Variants in NPLOC4 observed in about 807,000 individuals in gnomAD.
NPLOC4 encodes the protein nuclear protein localization protein 4 homolog.
A neutral mutation model predicts 80.6 loss-of-function variants in NPLOC4; 18 were observed. The ratio of observed to expected loss-of-function variants is 0.22; its 90% CI spans 0.15 to 0.33. The LOEUF (loss-of-function observed/expected upper bound fraction) is 0.33, where lower values mean the gene tolerates loss of function less well. Among genes scored for constraint, NPLOC4 ranks in the 10% least tolerant of loss-of-function variants. The pLI, the probability that NPLOC4 is intolerant of heterozygous loss-of-function variation, is 1.00. For missense variants in NPLOC4, 540 were observed against 786.1 expected, an observed-to-expected ratio of 0.69 and a Z score of 3.74; for synonymous variants, 313 against 301.5, an observed-to-expected ratio of 1.04 and a Z score of -0.39.
intron 12 of NPLOC4, among the ~76,000 whole-genome samples, chr17:81,584,618 T>C (rs2034527313): frequency 6.6e-6 from 1 of 152,148 alleles, no homozygotes; most frequent in Non-Finnish European, 1.5e-5. Context: ...TGAGAAGGGC[T>C]GATGATGGAA....
intron 11 of NPLOC4, among the ~76,000 whole-genome samples, chr17:81,591,462 A>C (rs1408594829): frequency 6.6e-6 from 1 of 150,846 alleles, no homozygotes; most frequent in Non-Finnish European, 1.5e-5. Context: ...AAAAAAAAAA[A>C]AAAAAAAAAA....
intron 4 of NPLOC4, among the ~76,000 whole-genome samples, chr17:81,610,960 A>G (rs1319560305): frequency 3.0e-5 from 1 of 33,202 alleles, no homozygotes; most frequent in East Asian, 3.3e-4. Context: ...CTCCGTCTCA[A>G]AAAAAAAAAA....
intron 1 of NPLOC4, among the ~76,000 whole-genome samples, chr17:81,631,812 T>TC (rs1334729318): frequency 2.2e-4 from 33 of 152,110 alleles, no homozygotes; most frequent in African/African-American, 6.5e-4. Flanking sequence ...ATTTTTTTTT[T>TC]CCCCGAGATG....
chr17:81,590,083 T>C (rs2034697377), intron 11 of NPLOC4, among the ~76,000 whole-genome samples: 1 of 152,170 alleles, frequency 6.6e-6, no homozygotes, highest in African/African-American at 2.4e-5. Context: ...AATCCAGTCA[T>C]GGTATTGTAT....
At chr17:81,559,611 T>C (rs1389828355) in intron 16 of NPLOC4, among the ~76,000 whole-genome samples, 195 bp from the exon 17 acceptor site, 3 of 152,140 alleles carry the variant, frequency 2.0e-5, no homozygotes, top group African/African-American at 7.2e-5. Context: ...AAATGCCTCC[T>C]GCACCACAGG....
intron 3 of NPLOC4, among the ~76,000 whole-genome samples, chr17:81,614,149 C>G (rs1051083539): frequency 6.6e-6 from 1 of 151,536 alleles, no homozygotes; most frequent in Non-Finnish European, 1.5e-5. Flanking sequence ...TGGTGGCGCA[C>G]GCCTGTAGTC....
In NPLOC4 at chr17:81,565,623, AG is replaced by A. The variant is rs536807951; in HGVS notation, c.1567-17del. On this transcript the variant is annotated splice_polypyrimidine_tract_variant and intron_variant, in intron 15 of 16. Coordinates refer to ENST00000331134, the MANE Select transcript of NPLOC4 (RefSeq NM_017921.4). ...TGATGCTGTCCTACAAGAAGCCAAA[AG>A]GAAGGTTCCTCTTCGCTGTGCCTAA... is the stretch of plus-strand genomic sequence containing the variant. The A allele has an allele frequency of 1.3e-4, 192 of 1,532,420 alleles. 2 individuals are homozygous for A. The South Asian group carries it at 1.6e-3, about 13-fold the overall frequency. 94.9% of individuals were successfully genotyped at this position (1,532,420 alleles called of 1,614,324 possible). A position where few individuals can be genotyped will look rare whatever the true frequency, so the allele number is the denominator to read the frequency against.
At chr17:81,597,031 T>G (rs2034926180) in intron 10 of NPLOC4, among the ~76,000 whole-genome samples, 1 of 152,014 alleles carries the variant, frequency 6.6e-6, no homozygotes, top group Non-Finnish European at 1.5e-5. Context: ...GAGAATGGCG[T>G]GAACCCGGGA....
At position 81,569,090 on chromosome 17, in the gene NPLOC4, C is replaced by G; in HGVS notation, c.1375G>C (p.Asp459His). The G allele has an allele frequency of 6.2e-7, 1 of 1,612,486 alleles. No individual in the cohort carries two copies. The highest frequency in any genetic ancestry group is 8.5e-7 in the Non-Finnish European group (1 of 1,178,584). ...GAAATAGAAAAAGTGTAAACTGGAT[C>G]CTTGGGGAAAGTTGTTGTGATCTAA... Reference protein sequence around the residue: ...IIDITTTFPKDPVYTFSISQN... With the variant: ...IIDITTTFPKHPVYTFSISQN... Residue 459 changes from aspartate to histidine, a missense_variant, in exon 14 of 17, where the codon GAT becomes CAT. Asp to His is a moderately conservative substitution (Grantham distance 81). Around this residue, in one of 6 missense-constraint regions of NPLOC4, gnomAD observed 251 missense variants for 377.5 expected, o/e 0.66. Coordinates refer to ENST00000331134, the MANE Select transcript of NPLOC4 (RefSeq NM_017921.4).
At position 81,580,050 on chromosome 17, in the gene NPLOC4, G is replaced by A. The variant is rs1306314128; in HGVS notation, c.1282-7962C>T. Among the ~76,000 whole-genome samples the A allele has an allele frequency of 2.6e-5, 4 of 152,022 alleles. No homozygotes were observed. Among genetic ancestry groups the A allele is most frequent in the Admixed American group, 2.0e-4 (3 of 15,266 alleles). On this transcript the variant is annotated intron_variant, in intron 12 of 16. Coordinates refer to ENST00000331134, the MANE Select transcript of NPLOC4 (RefSeq NM_017921.4). This position sits in a 1 kb window ranked among gnomAD's most constrained non-coding sequence, Gnocchi z 4.4. ...TCCTTTCTTGCCTGCCTTCCAGGGC[G>A]CTATGCTCCTGCCCCTCCTCCCCAG...
chr17:81,610,310 C>G, intron 4 of NPLOC4, 52 bp from the exon 5 acceptor site: 1 of 1,515,484 alleles, frequency 6.6e-7, no homozygotes, highest in Non-Finnish European at 9.0e-7. Flanking sequence ...TGTCTGTGTT[C>G]CGCTGCTGCT....
In NPLOC4 at chr17:81,577,087, T is replaced by C. The variant is rs1174868930; in HGVS notation, c.1282-4999A>G. On this transcript the variant is annotated intron_variant, in intron 12 of 16. Coordinates refer to ENST00000331134, the MANE Select transcript of NPLOC4 (RefSeq NM_017921.4). The surrounding 1 kb of genome is among the most constrained non-coding windows in gnomAD (Gnocchi z 4.3). The stretch of plus-strand genomic sequence containing the variant: ...GATGCCAACAAACCCCACGGCCTGC[T>C]GAGTAAGCAATGCCTGGCCACAGCA... 6.6e-6 allele frequency among the ~76,000 whole-genome samples: 1 copy of C among 152,192 alleles called. No individual in the cohort carries two copies. The highest frequency in any genetic ancestry group is 1.5e-5 in the Non-Finnish European group (1 of 68,036).
intron 1 of NPLOC4, among the ~76,000 whole-genome samples, chr17:81,630,757 G>A (rs2035907189): frequency 6.6e-6 from 1 of 152,108 alleles, no homozygotes. Flanking sequence ...TACGCCTATG[G>A]TCTCAGCTAC....
At chr17:81,575,423 C>A (rs1301362064) in intron 12 of NPLOC4, among the ~76,000 whole-genome samples, 2 of 152,182 alleles carry the variant, frequency 1.3e-5, no homozygotes, top group Non-Finnish European at 2.9e-5. Context: ...CTTAAAAGCA[C>A]CACTTAGAAA....
rs1431554680 is a variant in NPLOC4, at chr17:81,613,488, G to A, written c.216C>T (p.Gly72=). The A allele has an allele frequency of 9.9e-6, 16 of 1,612,702 alleles. No individual in the cohort carries two copies. The highest frequency in any genetic ancestry group is 8.4e-5 in the Admixed American group (5 of 59,734). ...KSLNLLKIKH[G]DLLFLFPSSL... ...TCGAGGGAAACAGGAACAACAAATC[G>A]CCATGCCTGTTCAAATGATAAACAG... Residue 72 remains glycine, a synonymous_variant, in exon 4 of 17, where the codon GGC becomes GGT. Coordinates refer to ENST00000331134, the MANE Select transcript of NPLOC4 (RefSeq NM_017921.4).
chr17:81,573,477 A>G (rs1482570101), intron 12 of NPLOC4: 1 of 142,534 alleles, frequency 7.0e-6, no homozygotes, highest in African/African-American at 2.6e-5. Flanking sequence ...TTCTTGCTTG[A>G]AAATTAAATT....
chr17:81,600,296 A>G, intron 9 of NPLOC4, 45 bp downstream of exon 9: 1 of 1,442,568 alleles, frequency 6.9e-7, no homozygotes, highest in African/African-American at 1.4e-5. Flanking sequence ...GATGCCCAAC[A>G]GAGCCTGGCC....
chr17:81,605,289 A>T lies in NPLOC4; in HGVS notation c.655-562T>A, dbSNP rs553428979. On this transcript the variant is annotated intron_variant, in intron 7 of 16. Coordinates refer to ENST00000331134, the MANE Select transcript of NPLOC4 (RefSeq NM_017921.4). ...GAGCAAAACTCCATCTCAAAAAAAA[A>T]AAATAAATAATAATAATAATAATCT... Among the ~76,000 whole-genome samples the T allele has an allele frequency of 1.7e-3, 208 of 123,376 alleles. 5 individuals carry two copies. In the South Asian group the frequency reaches 0.026, roughly 16 times the overall value. 80.9% of individuals were successfully genotyped at this position (123,376 alleles called of 152,430 possible). A position where few individuals can be genotyped will look rare whatever the true frequency, so the allele number is the denominator to read the frequency against.
intron 11 of NPLOC4, among the ~76,000 whole-genome samples, chr17:81,595,824 G>A (rs944077415): frequency 2.0e-5 from 3 of 152,118 alleles, no homozygotes; most frequent in Admixed American, 1.3e-4. Flanking sequence ...GATTACAGGC[G>A]TGAGCCACCA....
Sources: gnomAD v4.1 joint callset for allele counts (sites outside exome capture counted in the v4.1 genomes callset) on GRCh38, gnomAD v4.1.1 for gene constraint, gnomAD v4.1.1 regional missense constraint, Gnocchi (gnomAD v3.1) non-coding constraint, MANE v1.5 for transcripts, NCBI Gene and HGNC (gene_info 2026-07-23, HGNC 2026-07-21) for gene names.